WDR27: variants seen among roughly 807,000 people sequenced by gnomAD.
The protein encoded by WDR27 is WD repeat-containing protein 27.
Under a neutral mutation model 114.4 loss-of-function variants are expected in WDR27, and 100 were observed. The ratio of observed to expected loss-of-function variants is 0.87; its 90% CI spans 0.74 to 1.03. The LOEUF is 1.03. Ranked by LOEUF, WDR27 falls within the 50% of genes least tolerant of loss-of-function variation. WDR27 has a pLI of 0.00. For synonymous variants in WDR27, 449 were observed against 423.1 expected (o/e 1.06, Z -0.75); for missense variants, 1,129 against 1,092.9 (o/e 1.03, Z -0.47).
rs75713477 is a variant in WDR27 at position 169,469,772 on chromosome 6, T to C, written c.2646-12138A>G. 9.5e-3 allele frequency among the ~76,000 whole-genome samples: 1,447 copies of C among 152,332 alleles called. 21 individuals carry two copies. The highest frequency in any genetic ancestry group is 0.049 in the South Asian group (238 of 4,826). ...CATTCTGTTCCTCCTCTTTCTCTGT[T>C]CCCATTAGTTTACACTGGCAATGTT... On this transcript the variant is annotated intron_variant, in intron 25 of 25. Transcript: ENST00000448612.
At chr6:169,518,949 G>GA (rs1794019321) in intron 25 of WDR27, among the ~76,000 whole-genome samples, 1 of 152,160 alleles carries the variant, frequency 6.6e-6, no homozygotes, top group Non-Finnish European at 1.5e-5. Context: ...TCCTTTACCA[G>GA]ATACCCTAGG....
intron 16 of WDR27, among the ~76,000 whole-genome samples, chr6:169,645,023 TA>T (rs776362942): frequency 0.27 from 12,645 of 46,854 alleles, 2,272 homozygotes; most frequent in East Asian, 0.55. Context: ...AAAAAAAAAA[TA>T]AAAAAAAAAA....
At chr6:169,473,104 A>G (rs1786646013) in intron 25 of WDR27, among the ~76,000 whole-genome samples, 2 of 152,238 alleles carry the variant, frequency 1.3e-5, no homozygotes, top group Non-Finnish European at 2.9e-5. Flanking sequence ...CCATTAAGAA[A>G]AAGAAAATGG....
intron 25 of WDR27, among the ~76,000 whole-genome samples, chr6:169,488,262 G>A (rs534620545): frequency 1.5e-3 from 225 of 152,342 alleles, no homozygotes; most frequent in African/African-American, 5.3e-3. Context: ...GGTTGCCGCT[G>A]TTGCTGGAGA....
the WDR27 span, among the ~76,000 whole-genome samples, chr6:169,428,813 C>T: frequency 6.6e-6 from 1 of 152,124 alleles, no homozygotes; most frequent in Admixed American, 6.5e-5. Flanking sequence ...TGGTTCTGGA[C>T]TAGCCTCTTC....
At chr6:169,537,053 T>A (rs1366751017) in intron 25 of WDR27, among the ~76,000 whole-genome samples, 3 of 152,154 alleles carry the variant, frequency 2.0e-5, no homozygotes, top group East Asian at 3.8e-4. Context: ...ATAGCAAACA[T>A]CATGACTCTA....
Position 169,597,877 on chromosome 6 carries a change from TACACACAC to T in WDR27, c.2424+4334_2424+4341del, listed in dbSNP as rs67336814. On this transcript the variant is annotated intron_variant, in intron 23 of 25. Coordinates refer to ENST00000448612, the MANE Select transcript of WDR27 (RefSeq NM_182552.5). ...GCACAACTTCACCTCTTACCATTCA[TACACACAC>T]ACACACACACACACACACACACACA... is the stretch of plus-strand genomic sequence containing the variant. Among the ~76,000 whole-genome samples the T allele has an allele frequency of 8.6e-3, 1,218 of 142,236 alleles. 20 individuals carry two copies. The highest frequency in any genetic ancestry group is 0.028 in the African/African-American group (1,084 of 38,420). The allele number at this position is 142,236 out of a possible 152,430, so 93.3% of individuals were successfully genotyped here. A position where few individuals can be genotyped will look rare whatever the true frequency, so the allele number is the denominator to read the frequency against.
intron 25 of WDR27, among the ~76,000 whole-genome samples, chr6:169,537,680 TG>T (rs1293849036): frequency 6.6e-6 from 1 of 152,014 alleles, no homozygotes; most frequent in Non-Finnish European, 1.5e-5. Flanking sequence ...TGAACCACCA[TG>T]GGGGTAGTGC....
At chr6:169,460,151 A>G (rs1354938230) in intron 25 of WDR27, among the ~76,000 whole-genome samples, 1 of 152,224 alleles carries the variant, frequency 6.6e-6, no homozygotes, top group Non-Finnish European at 1.5e-5. Context: ...CTATTAGTCT[A>G]AAAGCTAGTA....
chr6:169,660,787 A>G, intron 9 of WDR27, 21 bp from the exon 10 acceptor site: 1 of 1,602,120 alleles, frequency 6.2e-7, no homozygotes, highest in South Asian at 1.1e-5. Flanking sequence ...GAAAAAAAGA[A>G]AAGAATACAC....
Position 169,572,514 on chromosome 6 carries a change from A to G in WDR27, c.2550T>C (p.Ala850=), listed in dbSNP as rs559834124. 2.2e-5 allele frequency: 3 copies of G among 136,108 alleles called. No individual in the cohort carries two copies. Among genetic ancestry groups the G allele is most frequent in the Non-Finnish European group, 4.5e-5 (3 of 66,084 alleles). 8.4% of individuals were successfully genotyped at this position (136,108 alleles called of 1,614,324 possible). Residue 850 remains alanine (A), a synonymous_variant, in exon 25 of 26, where the codon GCT becomes GCC. Coordinates refer to ENST00000448612, the MANE Select transcript of WDR27 (RefSeq NM_182552.5). The part of the protein sequence containing the change: ...PQMESRSVAH[A]GVQWHDLGSL... ...AACCGAGATCGTGCCACTGCACTCC[A>G]GCGTGGGCGACAGAGCGAGACTCCA...
chr6:169,689,836 C>CG (rs1783994551), intron 1 of WDR27, among the ~76,000 whole-genome samples: 1 of 152,244 alleles, frequency 6.6e-6, no homozygotes. Flanking sequence ...GGGTCATGCA[C>CG]GCTGTAGGTA....
chr6:169,634,470 C>T lies in WDR27; in HGVS notation c.2059G>A (p.Val687Ile). 2 of 1,613,372 alleles carry T rather than the reference C, an allele frequency of 1.2e-6. No individual in the cohort carries two copies. The highest frequency in any genetic ancestry group is 2.2e-5 in the East Asian group (1 of 44,864). ...LICRLSTTGAVDMTSLSAVND... is the reference protein window; with the variant it reads ...LICRLSTTGAIDMTSLSAVND... ...ACTGCCGATAAACTGGTCATGTCTA[C>T]TGCACCCGTCGTGGAGAGCCTGCAA... Residue 687 changes from valine to isoleucine, a missense_variant, in exon 20 of 26, where the codon GTA (valine) becomes ATA (isoleucine). Val to Ile is a conservative substitution (Grantham distance 29). Transcript: ENST00000448612.
intron 23 of WDR27, among the ~76,000 whole-genome samples, chr6:169,585,813 A>G (rs1332879643): frequency 6.6e-6 from 1 of 152,074 alleles, no homozygotes; most frequent in East Asian, 1.9e-4. Context: ...GCGGTGGCCG[A>G]GGCAGAAGAG....
rs200028791 is a variant in WDR27, at chr6:169,618,754, GATAATTTCTGCTTCTC to G, written c.2224-5114_2224-5099del. Among the ~76,000 whole-genome samples, 200 of 151,980 alleles carry G rather than the reference GATAATTTCTGCTTCTC, an allele frequency of 1.3e-3. 4 individuals are homozygous for G. The East Asian group carries it at 0.031, about 24-fold the overall frequency. On this transcript the variant is annotated intron_variant, in intron 21 of 25. Coordinates refer to ENST00000448612, the MANE Select transcript of WDR27 (RefSeq NM_182552.5). ...CTGGAAATACAGCATTTGGGCCAATGATAATTTCTGCTTCTCCTGTATTTGGACTTGTAGGATGACA... is the reference window on the plus strand; with the variant it reads ...CTGGAAATACAGCATTTGGGCCAATGCTGTATTTGGACTTGTAGGATGACA...
At chr6:169,505,537 A>G (rs1204832781) in intron 25 of WDR27, among the ~76,000 whole-genome samples, 4 of 55,214 alleles carry the variant, frequency 7.2e-5, no homozygotes, top group Admixed American at 3.2e-4. Context: ...TTACTGGTAG[A>G]ATGGAGAACC....
intron 25 of WDR27, among the ~76,000 whole-genome samples, chr6:169,495,789 C>T (rs1002264923): frequency 1.3e-5 from 2 of 151,914 alleles, no homozygotes; most frequent in African/African-American, 2.4e-5. Flanking sequence ...CAAAAATTTC[C>T]ACAAAGAAAA....
At chr6:169,652,473 G>A (rs889437375) in intron 13 of WDR27, among the ~76,000 whole-genome samples, 2 of 152,126 alleles carry the variant, frequency 1.3e-5, no homozygotes, top group Non-Finnish European at 2.9e-5. Flanking sequence ...GGTCTTGAAC[G>A]CCTGACCTCG....
At chr6:169,575,105 C>T (rs1322728014) in intron 24 of WDR27, among the ~76,000 whole-genome samples, 2 of 152,164 alleles carry the variant, frequency 1.3e-5, no homozygotes, top group South Asian at 2.1e-4. Context: ...AACACCACCA[C>T]CAGCTATCCT....
Sources: gnomAD v4.1 joint callset for allele counts (sites outside exome capture counted in the v4.1 genomes callset) on GRCh38, gnomAD v4.1.1 for gene constraint, MANE v1.5 for transcripts, NCBI Gene and HGNC (gene_info 2026-07-23, HGNC 2026-07-21) for gene names.